Variants in CCDC6 observed in about 807,000 individuals in gnomAD.
CCDC6 encodes coiled-coil domain-containing protein 6.
In CCDC6, 20 loss-of-function variants were observed where a neutral mutation model predicts 56.6. The observed-to-expected ratio is 0.35, with a 90% CI of 0.25 to 0.51. The LOEUF (loss-of-function observed/expected upper bound fraction) is 0.51, where lower values mean the gene tolerates loss of function less well. Ranked by LOEUF, CCDC6 falls within the 20% of genes least tolerant of loss-of-function variation. The pLI is 0.95. For synonymous variants in CCDC6, 241 were observed against 234.4 expected (o/e 1.03, Z -0.26); for missense variants, 367 against 601.1 (o/e 0.61, Z 4.07).
chr10:59,809,318 T>C (rs2393572), intron 5 of CCDC6, among the ~76,000 whole-genome samples: 77,263 of 152,058 alleles, frequency 0.51, 21,022 homozygotes, highest in African/African-American at 0.72. Context: ...TCAGAGAACA[T>C]TGTCTTTCAA....
At chr10:59,828,921 T>C (rs971319639) in intron 3 of CCDC6, among the ~76,000 whole-genome samples, 7 of 152,216 alleles carry the variant, frequency 4.6e-5, no homozygotes, top group African/African-American at 1.7e-4. Context: ...CTTGGACTTC[T>C]AGCTCTACAA....
At chr10:59,861,309 T>C (rs1269330028) in intron 1 of CCDC6, among the ~76,000 whole-genome samples, 2 of 152,000 alleles carry the variant, frequency 1.3e-5, no homozygotes. Context: ...CAGAGAGCCT[T>C]GATCGTGCCA....
At chr10:59,890,847 C>T (rs2071417039) in intron 1 of CCDC6, among the ~76,000 whole-genome samples, 1 of 152,034 alleles carries the variant, frequency 6.6e-6, no homozygotes, top group Non-Finnish European at 1.5e-5. Context: ...TCGTCATTTA[C>T]ATTAGGTATA....
chr10:59,811,613 C>T (rs2070672478), intron 5 of CCDC6, among the ~76,000 whole-genome samples: 1 of 152,058 alleles, frequency 6.6e-6, no homozygotes. Context: ...AATGAGTGTG[C>T]TCATTGTGTT....
intron 2 of CCDC6, among the ~76,000 whole-genome samples, chr10:59,833,354 C>A (rs1479630673): frequency 6.6e-6 from 1 of 152,046 alleles, no homozygotes; most frequent in African/African-American, 2.4e-5. Context: ...GAGGCTGAGA[C>A]AAGAGAATCG....
At chr10:59,861,432 C>CAAA (rs55716341) in intron 1 of CCDC6, among the ~76,000 whole-genome samples, 128 of 88,914 alleles carry the variant, frequency 1.4e-3, no homozygotes, top group Middle Eastern at 8.3e-3. Flanking sequence ...CAAAAATTAC[C>CAAA]AAAAAAAAAA....
chr10:59,798,383 C>T (rs1165775496), intron 7 of CCDC6, among the ~76,000 whole-genome samples: 9 of 152,178 alleles, frequency 5.9e-5, no homozygotes, highest in Non-Finnish European at 8.8e-5. Flanking sequence ...GTGCTATTAT[C>T]GCAGGACTTT....
intron 1 of CCDC6, among the ~76,000 whole-genome samples, chr10:59,895,482 G>A (rs2071455184): frequency 1.3e-5 from 2 of 152,182 alleles, no homozygotes; most frequent in African/African-American, 4.8e-5. Context: ...TATGGCTATG[G>A]ATAAACAGTA....
At chr10:59,830,923 C>A (rs2070830050) in intron 3 of CCDC6, among the ~76,000 whole-genome samples, 1 of 152,170 alleles carries the variant, frequency 6.6e-6, no homozygotes, top group African/African-American at 2.4e-5. Flanking sequence ...ATATTGACAA[C>A]CATCATTGTG....
At chr10:59,805,200 G>A (rs766203464) in intron 6 of CCDC6, 9 of 152,312 alleles carry the variant, frequency 5.9e-5, no homozygotes, top group Non-Finnish European at 8.8e-5. Context: ...GTGCGCTGAC[G>A]AGGAGAAATT....
At chr10:59,797,261 A>T (rs1287922563) in intron 7 of CCDC6, among the ~76,000 whole-genome samples, 1 of 152,114 alleles carries the variant, frequency 6.6e-6, no homozygotes, top group Non-Finnish European at 1.5e-5. Context: ...ATCAAGTTTC[A>T]GTTAAGCAAA....
chr10:59,796,341 T>C (rs1314890137), intron 7 of CCDC6, among the ~76,000 whole-genome samples: 3 of 147,834 alleles, frequency 2.0e-5, no homozygotes, highest in Non-Finnish European at 4.5e-5. Context: ...TCTTGTAAAT[T>C]TGTTTGAGTT....
At position 59,865,180 on chromosome 10, in the gene CCDC6, CA is replaced by C. The variant is rs1425759085; in HGVS notation, c.304-12479del. 3.9e-5 allele frequency among the ~76,000 whole-genome samples: 6 copies of C among 152,324 alleles called. No homozygotes were observed. The South Asian group carries it at 1.0e-3, about 26-fold the overall frequency. On this transcript the variant is annotated intron_variant, in intron 1 of 8. Transcript: ENST00000263102. The stretch of plus-strand genomic sequence containing the variant: ...ACACCCGAGGTTTCCAACCCTGGCC[CA>C]GGGGCAATGACTAACACCTGAAGAC...
chr10:59,868,395 C>T (rs76969090), intron 1 of CCDC6, among the ~76,000 whole-genome samples: 1 of 152,202 alleles, frequency 6.6e-6, no homozygotes. Context: ...CAGCCCACCA[C>T]CACTGGGCCA....
chr10:59,794,744 G>A (rs1282088449), intron 7 of CCDC6, 147 bp from the exon 8 acceptor site: 8 of 635,654 alleles, frequency 1.3e-5, no homozygotes, highest in South Asian at 7.8e-5. Context: ...TAAATGGTGT[G>A]GATAACAAGG....
intron 1 of CCDC6, among the ~76,000 whole-genome samples, 182 bp downstream of exon 1, chr10:59,905,940 C>G (rs2132692856): frequency 1.3e-5 from 2 of 152,336 alleles, no homozygotes; most frequent in East Asian, 3.9e-4. Flanking sequence ...GAGGACAGAC[C>G]CGCGTGGCCC....
chr10:59,890,246 GA>G (rs2071411916), intron 1 of CCDC6, among the ~76,000 whole-genome samples: 1 of 152,178 alleles, frequency 6.6e-6, no homozygotes, highest in Non-Finnish European at 1.5e-5. Flanking sequence ...AGATACCTGA[GA>G]CATCCAGTCA....
Position 59,885,091 on chromosome 10 carries a change from AAAGG to A in CCDC6, c.303+21027_303+21030del, listed in dbSNP as rs563943248. Among the ~76,000 whole-genome samples the A allele has an allele frequency of 1.3e-3, 193 of 151,996 alleles. 1 individual carries two copies. The highest frequency in any genetic ancestry group is 3.2e-3 in the African/African-American group (134 of 41,442). ...CAACAACAACAGAAAGAAAGGAAAG[AAAGG>A]AAGGAAGGAAGGAAGAAAAGAAAAG... On this transcript the variant is annotated intron_variant, in intron 1 of 8. Transcript: ENST00000263102.
chr10:59,852,687 G>A lies in CCDC6; in HGVS notation c.319C>T (p.Gln107Ter). The A allele has an allele frequency of 6.3e-7, 1 of 1,578,858 alleles. No homozygotes were observed. The highest frequency in any genetic ancestry group is 1.2e-5 in the South Asian group (1 of 84,388). Residue 107 changes from glutamine to a stop codon, truncating the protein, a stop_gained, in exon 2 of 9, where the codon CAG becomes TAG. Transcript: ENST00000263102. LOFTEE classifies it high-confidence loss of function. ...GTGTTACTAATGAATTCTTCTTCCTGCTCAGCCCTGGCTTGCTGTTTAAAA... is the reference window on the plus strand; with the variant it reads ...GTGTTACTAATGAATTCTTCTTCCTACTCAGCCCTGGCTTGCTGTTTAAAA... ...ASVTIQARAE[Q>*]EEEFISNTLF...
Sources: gnomAD v4.1 joint callset for allele counts (sites outside exome capture counted in the v4.1 genomes callset) on GRCh38, gnomAD v4.1.1 for gene constraint, MANE v1.5 for transcripts, NCBI Gene and HGNC (gene_info 2026-07-23, HGNC 2026-07-21) for gene names.